Variants in LEKR1 observed in about 807,000 individuals in gnomAD.
LEKR1 encodes the protein leucine, glutamate and lysine rich 1.
A neutral mutation model predicts 72.4 loss-of-function variants in LEKR1; 59 were observed. The observed-to-expected ratio is 0.82, with a 90% CI of 0.66 to 1.01. The LOEUF is 1.01. LEKR1 is among the 50% of genes least tolerant of loss of function. The pLI is 0.00. For synonymous variants in LEKR1, 257 were observed against 263.2 expected, an observed-to-expected ratio of 0.98 and a Z score of 0.23; for missense variants, 728 against 759.2, an observed-to-expected ratio of 0.96 and a Z score of 0.48.
chr3:156,927,594 A>T lies in LEKR1; in HGVS notation c.549A>T (p.Thr183=). Residue 183 remains threonine (T), a synonymous_variant, in exon 5 of 13, where the codon ACA becomes ACT. Coordinates refer to ENST00000356539, the MANE Select transcript of LEKR1 (RefSeq NM_001004316.3). ...VFLQIKSISE[T]ALTEIDILNK... is the part of the protein sequence containing the mutation. ...TACAAATTAAATCTATAAGTGAAAC[A>T]GCCTTGACAGGTTTGTTACATATAT... is the stretch of plus-strand genomic sequence containing the variant. 1 of 1,223,578 alleles carries T rather than the reference A, an allele frequency of 8.2e-7. No individual in the cohort carries two copies. Among genetic ancestry groups the T allele is most frequent in the African/African-American group, 1.6e-5 (1 of 61,506 alleles). 75.8% of individuals were successfully genotyped at this position (1,223,578 alleles called of 1,614,324 possible). A position where few individuals can be genotyped will look rare whatever the true frequency, so the allele number is the denominator to read the frequency against.
chr3:156,912,716 A>G (rs781593123), intron 3 of LEKR1, among the ~76,000 whole-genome samples: 1 of 152,184 alleles, frequency 6.6e-6, no homozygotes, highest in Non-Finnish European at 1.5e-5. Flanking sequence ...GCAGACTTTC[A>G]TGAGGTTCCC....
intron 6 of LEKR1, among the ~76,000 whole-genome samples, chr3:156,947,011 T>C (rs1406043748): frequency 1.3e-5 from 2 of 151,306 alleles, no homozygotes; most frequent in Admixed American, 6.6e-5. Context: ...TCTTCTCTTT[T>C]TTTTTCTTTA....
At chr3:156,828,166 G>C (rs914302752) in intron 1 of LEKR1, among the ~76,000 whole-genome samples, 1 of 152,200 alleles carries the variant, frequency 6.6e-6, no homozygotes, top group Non-Finnish European at 1.5e-5. Context: ...GTTTTAAACA[G>C]CAACTCACTG....
At chr3:156,964,429 A>C (rs1472016936) in intron 6 of LEKR1, among the ~76,000 whole-genome samples, 1 of 152,038 alleles carries the variant, frequency 6.6e-6, no homozygotes, top group Non-Finnish European at 1.5e-5. Flanking sequence ...CTCATAATTA[A>C]ATTTTTATAT....
intron 1 of LEKR1, chr3:156,826,720 C>T (rs1560005609): frequency 6.4e-6 from 1 of 155,758 alleles, no homozygotes; most frequent in Non-Finnish European, 1.5e-5. Context: ...GCCATTCCAG[C>T]AGTTTTGTCT....
chr3:156,974,649 A>C lies in LEKR1; in HGVS notation c.746-4545A>C, dbSNP rs1729532493. Among the ~76,000 whole-genome samples, 2 of 152,142 alleles carry C rather than the reference A, an allele frequency of 1.3e-5. 1 individual carries two copies. The highest frequency in any genetic ancestry group is 4.8e-5 in the African/African-American group (2 of 41,426). ...CTTTTGTACCTTGGGCACATAGAAC[A>C]GAGTTGATTAGACTCTGTAGTACAA... On this transcript the variant is annotated intron_variant, in intron 6 of 12. Coordinates refer to ENST00000356539, the MANE Select transcript of LEKR1 (RefSeq NM_001004316.3).
chr3:157,021,438 TC>T (rs1243855775), intron 10 of LEKR1, among the ~76,000 whole-genome samples: 4 of 152,186 alleles, frequency 2.6e-5, no homozygotes, highest in Non-Finnish European at 5.9e-5. Context: ...CTTTAATCCA[TC>T]TTGAATTAAT....
chr3:157,021,948 A>G (rs1360285480), intron 10 of LEKR1, among the ~76,000 whole-genome samples: 1 of 152,064 alleles, frequency 6.6e-6, no homozygotes, highest in Non-Finnish European at 1.5e-5. Flanking sequence ...ATTTTTCCAA[A>G]TGTATTACAT....
chr3:156,855,160 A>G (rs1171172669), intron 3 of LEKR1, among the ~76,000 whole-genome samples: 1 of 152,132 alleles, frequency 6.6e-6, no homozygotes, highest in African/African-American at 2.4e-5. Flanking sequence ...CAAAGGATAA[A>G]TTTCTAGAAG....
chr3:156,866,528 C>T (rs1196621626), intron 3 of LEKR1, among the ~76,000 whole-genome samples: 6 of 152,048 alleles, frequency 3.9e-5, no homozygotes, highest in Non-Finnish European at 7.4e-5. Context: ...CCTGAAATGC[C>T]TCTCTCCAGA....
chr3:156,850,816 G>T (rs1317468084), intron 2 of LEKR1, among the ~76,000 whole-genome samples: 2 of 152,116 alleles, frequency 1.3e-5, no homozygotes, highest in Non-Finnish European at 2.9e-5. Flanking sequence ...AGCCAGGGCT[G>T]CTATGGATTC....
chr3:156,847,241 C>T (rs897779729), intron 2 of LEKR1, among the ~76,000 whole-genome samples: 6 of 152,178 alleles, frequency 3.9e-5, no homozygotes, highest in Non-Finnish European at 8.8e-5. Flanking sequence ...AAAACATTTA[C>T]ATTATTTTTA....
chr3:156,965,997 G>A (rs1011007298), intron 6 of LEKR1, among the ~76,000 whole-genome samples: 1 of 152,108 alleles, frequency 6.6e-6, no homozygotes, highest in Admixed American at 6.5e-5. Context: ...TATATCTAAT[G>A]CAGCAGACTG....
chr3:157,013,399 A>G (rs1215554986), intron 10 of LEKR1, among the ~76,000 whole-genome samples: 1 of 152,128 alleles, frequency 6.6e-6, no homozygotes, highest in Non-Finnish European at 1.5e-5. Context: ...ACAGAGTAAA[A>G]CAAGTTAGTG....
chr3:156,867,328 C>G (rs1320608640), intron 3 of LEKR1, among the ~76,000 whole-genome samples: 1 of 152,074 alleles, frequency 6.6e-6, no homozygotes, highest in African/African-American at 2.4e-5. Flanking sequence ...TAAACTCAAT[C>G]TGGAACTGTC....
At chr3:156,840,218 G>C (rs1713725443) in intron 2 of LEKR1, among the ~76,000 whole-genome samples, 1 of 152,110 alleles carries the variant, frequency 6.6e-6, no homozygotes, top group Non-Finnish European at 1.5e-5. Flanking sequence ...TAAGTTTTTG[G>C]GGAGTCAGAA....
chr3:156,858,275 G>C (rs969584510), intron 3 of LEKR1, among the ~76,000 whole-genome samples: 15 of 152,260 alleles, frequency 9.9e-5, no homozygotes, highest in African/African-American at 3.1e-4. Context: ...GACAGAGAGA[G>C]AGAGAGCTTT....
intron 3 of LEKR1, among the ~76,000 whole-genome samples, chr3:156,881,127 A>G (rs1219333394): frequency 6.6e-6 from 1 of 152,210 alleles, no homozygotes; most frequent in Admixed American, 6.5e-5. Context: ...CCTATTCAAC[A>G]TAGTGTTGGA....
intron 6 of LEKR1, among the ~76,000 whole-genome samples, chr3:156,970,698 AACAG>A (rs1461549456): frequency 2.6e-5 from 4 of 152,044 alleles, no homozygotes; most frequent in Non-Finnish European, 4.4e-5. Context: ...ATACACCAAT[AACAG>A]ACAGAGAGCC....
Sources: allele counts gnomAD v4.1 joint callset (sites outside exome capture counted in the v4.1 genomes callset), GRCh38; gene constraint gnomAD v4.1.1; transcripts MANE v1.5; gene names NCBI Gene and HGNC (gene_info 2026-07-23, HGNC 2026-07-21).